The following CCDC33 variants were observed in gnomAD, a reference collection of about 807,000 sequenced individuals.
The protein encoded by CCDC33 is coiled-coil domain-containing protein 33.
In CCDC33, 94 loss-of-function variants were observed where a neutral mutation model predicts 91.9. The observed-to-expected ratio is 1.02, with a 90% CI of 0.87 to 1.21. CCDC33 has a LOEUF of 1.21. Ranked by LOEUF, CCDC33 falls within the 50% of genes most tolerant of loss-of-function variation. The pLI is 0.00. For missense variants in CCDC33, 940 were observed against 935.5 expected, an observed-to-expected ratio of 1.00 and a Z score of -0.06; for synonymous variants, 396 against 374.5, an observed-to-expected ratio of 1.06 and a Z score of -0.66.
At chr15:74,262,856 T>C (rs1392052077) in intron 3 of CCDC33, among the ~76,000 whole-genome samples, 1 of 152,194 alleles carries the variant, frequency 6.6e-6, no homozygotes, top group East Asian at 1.9e-4. Flanking sequence ...TAGCGCTGTC[T>C]CCTACTGAAA....
intron 1 of CCDC33, among the ~76,000 whole-genome samples, chr15:74,238,146 G>T (rs537668319): frequency 2.1e-4 from 32 of 151,358 alleles, no homozygotes; most frequent in African/African-American, 7.5e-4. Flanking sequence ...AAGGACGTTG[G>T]CCAGGCCTGG....
At chr15:74,210,176 T>C (rs1422713214) in intron 2 of CCDC33, among the ~76,000 whole-genome samples, 1 of 152,100 alleles carries the variant, frequency 6.6e-6, no homozygotes, top group East Asian at 1.9e-4. Context: ...AAAGAGAAAA[T>C]TAACCTTTGG....
intron 2 of CCDC33, among the ~76,000 whole-genome samples, chr15:74,219,271 C>T (rs780980143): frequency 6.6e-6 from 1 of 152,194 alleles, no homozygotes; most frequent in Non-Finnish European, 1.5e-5. Flanking sequence ...TCAACCCCAA[C>T]CCAGGACCCA....
At chr15:74,295,690 C>CCGAA in intron 10 of CCDC33, 64 bp from the exon 11 acceptor site, 1 of 1,418,388 alleles carries the variant, frequency 7.1e-7, no homozygotes, top group Non-Finnish European at 9.7e-7. Context: ...AGATGGTGTG[C>CCGAA]TTATGGTAGA....
chr15:74,224,036 T>C (rs2142165950), intron 2 of CCDC33, among the ~76,000 whole-genome samples: 1 of 152,216 alleles, frequency 6.6e-6, no homozygotes, highest in South Asian at 2.1e-4. Context: ...AGGTTTCCCT[T>C]TGTAGCTCGA....
At chr15:74,253,181 C>T (rs2075760023) in intron 2 of CCDC33, among the ~76,000 whole-genome samples, 1 of 152,206 alleles carries the variant, frequency 6.6e-6, no homozygotes, top group Non-Finnish European at 1.5e-5. Flanking sequence ...CTGGTGTCCT[C>T]ATTGCATCCT....
chr15:74,274,091 A>G (rs1009059710), intron 7 of CCDC33, among the ~76,000 whole-genome samples: 6 of 152,144 alleles, frequency 3.9e-5, no homozygotes, highest in Admixed American at 3.9e-4. Context: ...CGGCCTCCCA[A>G]AGTGCTGGAA....
At chr15:74,222,801 A>ACCCCCCCCCCCC (rs1030382968) in intron 2 of CCDC33, among the ~76,000 whole-genome samples, 1 of 22,640 alleles carries the variant, frequency 4.4e-5, no homozygotes, top group Non-Finnish European at 9.4e-5. Flanking sequence ...CACTCCCCCG[A>ACCCCCCCCCCCC]CCCCCGCCGC....
At chr15:74,260,574 A>G (rs1018523716) in intron 2 of CCDC33, among the ~76,000 whole-genome samples, 9 of 152,168 alleles carry the variant, frequency 5.9e-5, no homozygotes, top group Non-Finnish European at 8.8e-5. Context: ...CAGTCCTTAT[A>G]ACACTCTCTC....
chr15:74,296,086 G>A, intron 11 of CCDC33, 138 bp downstream of exon 11: 1 of 694,084 alleles, frequency 1.4e-6, no homozygotes, highest in Non-Finnish European at 2.3e-6. Context: ...CTCTGCATGT[G>A]AGTTACCCCA....
At chr15:74,326,792 G>T (rs2142852735) in intron 11 of CCDC33, among the ~76,000 whole-genome samples, 1 of 152,328 alleles carries the variant, frequency 6.6e-6, no homozygotes, top group African/African-American at 2.4e-5. Context: ...GGAAAGTGGG[G>T]AGGGGGCTGG....
At chr15:74,307,199 A>G (rs1008235665) in intron 11 of CCDC33, among the ~76,000 whole-genome samples, 1 of 152,188 alleles carries the variant, frequency 6.6e-6, no homozygotes, top group Non-Finnish European at 1.5e-5. Flanking sequence ...GAGGTGGACT[A>G]TAGAACCAGG....
chr15:74,210,834 C>G (rs2074356213), intron 2 of CCDC33, among the ~76,000 whole-genome samples: 1 of 152,030 alleles, frequency 6.6e-6, no homozygotes, highest in Non-Finnish European at 1.5e-5. Context: ...GTTGTGTTCT[C>G]AAAAAGAGAG....
intron 11 of CCDC33, among the ~76,000 whole-genome samples, chr15:74,321,155 G>A (rs1033335826): frequency 1.3e-5 from 2 of 152,172 alleles, no homozygotes; most frequent in Non-Finnish European, 2.9e-5. Context: ...CTGGTCTCTG[G>A]AACTGGAGGA....
At chr15:74,247,306 T>C (rs932562285) in intron 2 of CCDC33, among the ~76,000 whole-genome samples, 2 of 151,920 alleles carry the variant, frequency 1.3e-5, no homozygotes, top group African/African-American at 4.8e-5. Context: ...AGCCAAGATA[T>C]AGGATCAACC....
intron 1 of CCDC33, chr15:74,209,244 G>A (rs1196488158): frequency 4.8e-5 from 56 of 1,155,648 alleles, no homozygotes; most frequent in Admixed American, 6.2e-5. Context: ...CCGTTTGCTC[G>A]AAACTTGATC....
In CCDC33 at chr15:74,330,975, TCA is replaced by T. The variant is rs745814570; in HGVS notation, c.1546-3_1546-2del. 1 of 1,578,368 alleles carries T rather than the reference TCA, an allele frequency of 6.3e-7. No individual in the cohort carries two copies. Among genetic ancestry groups the T allele is most frequent in the African/African-American group, 1.4e-5 (1 of 73,866 alleles). On this transcript the variant is annotated splice_polypyrimidine_tract_variant and splice_region_variant and intron_variant, in intron 13 of 18. Transcript: ENST00000398814. ...CTCTCCCCTTCTCTCCTCCCCCATC[TCA>T]CAGAAGAATGATCGAGAGAAGGAGC...
intron 2 of CCDC33, chr15:74,221,149 C>T (rs3894420): frequency 2.2e-6 from 2 of 892,142 alleles, no homozygotes; most frequent in East Asian, 1.2e-4. Context: ...ACAATTGAAT[C>T]TATTCAATTC....
exon 2 of CCDC33, chr15:74,209,532 C>T: frequency 8.4e-7 from 1 of 1,193,922 alleles, no homozygotes; most frequent in Non-Finnish European, 1.2e-6. Context: ...GCTGGAATTC[C>T]AGGTATGATC....
Sources: allele counts gnomAD v4.1 joint callset (sites outside exome capture counted in the v4.1 genomes callset), GRCh38; gene constraint gnomAD v4.1.1; transcripts MANE v1.5; gene names NCBI Gene and HGNC (gene_info 2026-07-23, HGNC 2026-07-21).